The following LRRIQ3 variants were observed in gnomAD, a reference collection of about 807,000 sequenced individuals.
LRRIQ3 encodes leucine-rich repeat and IQ domain-containing protein 3.
A neutral mutation model predicts 59.3 loss-of-function variants in LRRIQ3; 75 were observed. That is an observed-to-expected ratio of 1.26 (90% CI 1.05 to 1.53). LRRIQ3 has a LOEUF of 1.53. Among genes scored for constraint, LRRIQ3 ranks in the 40% most tolerant of loss-of-function variants. LRRIQ3 has a pLI of 0.00. For synonymous variants in LRRIQ3, 250 were observed against 231.3 expected (o/e 1.08, Z -0.73); for missense variants, 831 against 710.0 (o/e 1.17, Z -1.94).
chr1:74,044,992 C>G (rs1302670836), intron 6 of LRRIQ3, among the ~76,000 whole-genome samples: 1 of 152,048 alleles, frequency 6.6e-6, no homozygotes, highest in Non-Finnish European at 1.5e-5. Flanking sequence ...CAAAAAAAGT[C>G]CAGGACCAGA....
At chr1:74,100,355 G>A (rs1646512329) in intron 5 of LRRIQ3, among the ~76,000 whole-genome samples, 1 of 152,162 alleles carries the variant, frequency 6.6e-6, no homozygotes, top group Non-Finnish European at 1.5e-5. Context: ...TACAAGGGAT[G>A]TAAAGGACCT....
chr1:74,172,314 TTGTATCAGTGTTTTATAATTTCTTTTGA>T, intron 3 of LRRIQ3, among the ~76,000 whole-genome samples: 1 of 152,316 alleles, frequency 6.6e-6, no homozygotes, highest in South Asian at 2.1e-4. Context: ...TCATTTTCAC[TTGTATCAGTGTTTTATAATTTCTTTTGA>T]TTTCTCTTTT....
intron 4 of LRRIQ3, among the ~76,000 whole-genome samples, chr1:74,126,475 T>C (rs1646937823): frequency 6.6e-6 from 1 of 151,902 alleles, no homozygotes; most frequent in African/African-American, 2.4e-5. Context: ...ATATATCTGA[T>C]ATTGGTGCTT....
intron 4 of LRRIQ3, among the ~76,000 whole-genome samples, chr1:74,115,221 C>G (rs941104181): frequency 1.3e-5 from 2 of 151,960 alleles, no homozygotes; most frequent in Non-Finnish European, 2.9e-5. Flanking sequence ...CTCTAAGGAC[C>G]TATTGATTAA....
At chr1:74,062,303 A>G (rs1654742193) in intron 6 of LRRIQ3, among the ~76,000 whole-genome samples, 1 of 152,042 alleles carries the variant, frequency 6.6e-6, no homozygotes, top group South Asian at 2.1e-4. Context: ...ATATGAAACA[A>G]TGCTCAATAT....
intron 3 of LRRIQ3, among the ~76,000 whole-genome samples, chr1:74,159,872 T>G (rs1284622250): frequency 6.6e-6 from 1 of 152,120 alleles, no homozygotes; most frequent in African/African-American, 2.4e-5. Flanking sequence ...TTCTTCGTCG[T>G]GTCAACCAAG....
intron 6 of LRRIQ3, among the ~76,000 whole-genome samples, chr1:74,047,279 C>T (rs1374370312): frequency 1.3e-5 from 2 of 152,100 alleles, no homozygotes; most frequent in African/African-American, 4.8e-5. Context: ...AGGATGAGTT[C>T]ATATTCTTTG....
At chr1:74,029,745 A>G (rs931494371) in intron 7 of LRRIQ3, among the ~76,000 whole-genome samples, 2 of 151,930 alleles carry the variant, frequency 1.3e-5, no homozygotes, top group Admixed American at 6.6e-5. Flanking sequence ...TTCTTTTTCT[A>G]TTGATTGGAA....
intron 4 of LRRIQ3, among the ~76,000 whole-genome samples, chr1:74,147,062 T>C (rs141361330): frequency 1.3e-3 from 196 of 152,078 alleles, no homozygotes; most frequent in African/African-American, 4.6e-3. Flanking sequence ...ACTCCATCTC[T>C]ATAAAAAATA....
intron 3 of LRRIQ3, among the ~76,000 whole-genome samples, chr1:74,171,273 G>T (rs1649305830): frequency 6.6e-6 from 1 of 152,096 alleles, no homozygotes; most frequent in Non-Finnish European, 1.5e-5. Context: ...GATGTTAACT[G>T]TGGGCTTTTT....
intron 5 of LRRIQ3, among the ~76,000 whole-genome samples, chr1:74,091,860 C>T (rs993221436): frequency 6.6e-6 from 1 of 152,030 alleles, no homozygotes; most frequent in Non-Finnish European, 1.5e-5. Flanking sequence ...GCTTTCCATA[C>T]CTACTCTGCA....
At position 74,041,828 on chromosome 1, in the gene LRRIQ3, G is replaced by A. The variant is rs781132832; in HGVS notation, c.1103C>T (p.Ala368Val). Residue 368 changes from alanine to valine, a missense_variant, in exon 7 of 8, where the codon GCA (alanine) becomes GTA (valine). By Grantham distance (64) the Ala-to-Val change is moderately conservative. Transcript: ENST00000354431. ...ATGTTGTTTTTTCTCTCTCAATACTGCATTATTCTTCAATGAACCTGAAGT... is the reference window on the plus strand; with the variant it reads ...ATGTTGTTTTTTCTCTCTCAATACTACATTATTCTTCAATGAACCTGAAGT... ...IYTSGSLKNN[A>V]VLREKKQHFF... is the part of the protein sequence containing the mutation. 3 of 1,613,412 alleles carry A rather than the reference G, an allele frequency of 1.9e-6. No homozygotes were observed. Among genetic ancestry groups the A allele is most frequent in the South Asian group, 2.2e-5 (2 of 91,062 alleles).
chr1:74,108,918 C>T (rs1392842389), intron 5 of LRRIQ3: 1 of 407,848 alleles, frequency 2.5e-6, no homozygotes, highest in Non-Finnish European at 4.8e-6. Flanking sequence ...AGTTACATAC[C>T]ACTTGCAAAA....
chr1:74,176,333 CTCAT>C (rs1194876742), intron 3 of LRRIQ3, among the ~76,000 whole-genome samples: 2 of 152,066 alleles, frequency 1.3e-5, no homozygotes, highest in Admixed American at 6.5e-5. Context: ...TTTTGTCACT[CTCAT>C]TGTTTTTCAC....
chr1:74,155,908 A>T (rs1648296009), intron 3 of LRRIQ3, 42 bp from the exon 4 acceptor site: 1 of 1,078,984 alleles, frequency 9.3e-7, no homozygotes, highest in Non-Finnish European at 1.3e-6. Flanking sequence ...ATCTTTCATG[A>T]AAGTATTTTC....
At chr1:74,180,586 AGAG>A (rs1281852807) in intron 3 of LRRIQ3, 9 of 773,370 alleles carry the variant, frequency 1.2e-5, no homozygotes, top group Non-Finnish European at 1.6e-5. Context: ...TCAAAATAGT[AGAG>A]GAGTATTTCC....
chr1:74,041,224 CATTTCTTTAAGTAAATTCTTTCTAT>C lies in LRRIQ3; in HGVS notation c.1682_1706del (p.Tyr561Ter). 1 of 1,572,640 alleles carries C rather than the reference CATTTCTTTAAGTAAATTCTTTCTAT, an allele frequency of 6.4e-7. No homozygotes were observed. The highest frequency in any genetic ancestry group is 8.6e-7 in the Non-Finnish European group (1 of 1,162,974). The stretch of plus-strand genomic sequence containing the variant: ...TAAATTGTACCTACCTAACTTTTTT[CATTTCTTTAAGTAAATTCTTTCTAT>C]ATTTTTCTGCTTTTAGTTTTTGCTT... On this transcript the variant is annotated frameshift_variant, in exon 7 of 8. Coordinates refer to ENST00000354431, the MANE Select transcript of LRRIQ3 (RefSeq NM_001105659.2). LOFTEE classifies it low-confidence loss of function (END_TRUNC).
In LRRIQ3 at chr1:74,173,521, G is replaced by GT. The variant is rs530424282; in HGVS notation, c.573+9016dup. Among the ~76,000 whole-genome samples, 63 of 151,378 alleles carry GT rather than the reference G, an allele frequency of 4.2e-4. 1 individual carries two copies. In the South Asian group the frequency reaches 0.013, roughly 31 times the overall value. ...TTTATCTTTTGTGTATCTACCATAG[G>GT]TTTTTTCTTTGTTATCATGAGGTTT... On this transcript the variant is annotated intron_variant, in intron 3 of 7. Coordinates refer to ENST00000354431, the MANE Select transcript of LRRIQ3 (RefSeq NM_001105659.2).
intron 4 of LRRIQ3, among the ~76,000 whole-genome samples, chr1:74,117,510 A>G (rs576381120): frequency 8.1e-4 from 123 of 152,336 alleles, no homozygotes; most frequent in Middle Eastern, 6.8e-3. Flanking sequence ...TCATGCCTGT[A>G]ATCCCAGAAC....
Sources: gnomAD v4.1 joint callset for allele counts (sites outside exome capture counted in the v4.1 genomes callset) on GRCh38, gnomAD v4.1.1 for gene constraint, MANE v1.5 for transcripts, NCBI Gene and HGNC (gene_info 2026-07-23, HGNC 2026-07-21) for gene names.